NINL: variants seen among roughly 807,000 people sequenced by gnomAD.
NINL encodes ninein-like protein.
A neutral mutation model predicts 160.3 loss-of-function variants in NINL; 153 were observed. The ratio of observed to expected loss-of-function variants is 0.95; its 90% CI spans 0.84 to 1.09. The LOEUF (loss-of-function observed/expected upper bound fraction) is 1.09. Ranked by LOEUF, NINL falls within the 50% of genes least tolerant of loss-of-function variation. The pLI is 0.00. For missense variants in NINL, 1,829 were observed against 1,764.0 expected (o/e 1.04, Z -0.66); for synonymous variants, 800 against 734.8 (o/e 1.09, Z -1.43).
intron 13 of NINL, among the ~76,000 whole-genome samples, chr20:25,487,142 A>G (rs2063519234): frequency 6.6e-6 from 1 of 152,236 alleles, no homozygotes; most frequent in Non-Finnish European, 1.5e-5. Context: ...GGGTAAAATT[A>G]AGTCAGTTTC....
chr20:25,573,306 A>AG, intron 1 of NINL, among the ~76,000 whole-genome samples: 1 of 152,266 alleles, frequency 6.6e-6, no homozygotes, highest in South Asian at 2.1e-4. Context: ...TCAAAAAAAA[A>AG]AAAAAATTAA....
At chr20:25,468,885 G>T in intron 18 of NINL, among the ~76,000 whole-genome samples, 1 of 139,556 alleles carries the variant, frequency 7.2e-6, no homozygotes, top group African/African-American at 2.9e-5. Context: ...ACTGGTGGGT[G>T]CCCCACTGTC....
rs555836329 is a variant in NINL, at chr20:25,498,283, C to G, written c.1096G>C (p.Glu366Gln). ...ACGGCACTGTCCACTGTCATGAGCT[C>G]GTTGTCAAGGGCCCAGGTCAGCTCC... ...LLELTWALDN[E>Q]LMTVDSAVQQ... The change falls in exon 9 of 24, where the codon GAG (glutamate) becomes CAG (glutamine). Residue 366 changes from glutamate (E) to glutamine (Q), a missense_variant. Physicochemically the swap from Glu to Gln is conservative, Grantham distance 29. Transcript: ENST00000278886. 35 of 1,613,436 alleles carry G rather than the reference C, an allele frequency of 2.2e-5. No individual in the cohort carries two copies. The highest frequency in any genetic ancestry group is 2.9e-5 in the Non-Finnish European group (34 of 1,180,028).
chr20:25,508,675 C>T (rs376871195), intron 5 of NINL, among the ~76,000 whole-genome samples: 7 of 152,322 alleles, frequency 4.6e-5, no homozygotes, highest in African/African-American at 1.2e-4. Flanking sequence ...AGCTGGGGGG[C>T]GCTGGCAGCC....
chr20:25,491,742 C>G (rs1232977085), intron 10 of NINL, among the ~76,000 whole-genome samples: 1 of 152,230 alleles, frequency 6.6e-6, no homozygotes, highest in African/African-American at 2.4e-5. Flanking sequence ...ACAAGGGGAT[C>G]TGGTGGGTCA....
intron 17 of NINL, among the ~76,000 whole-genome samples, chr20:25,474,058 G>T (rs189376881): frequency 8.5e-5 from 13 of 152,198 alleles, no homozygotes; most frequent in African/African-American, 3.1e-4. Flanking sequence ...AAGGCTGCTC[G>T]TTCTCTGACT....
At chr20:25,490,304 T>C (rs1440120552) in intron 11 of NINL, among the ~76,000 whole-genome samples, 2 of 152,204 alleles carry the variant, frequency 1.3e-5, no homozygotes, top group East Asian at 3.9e-4. Context: ...CTCACGCCTG[T>C]AATCCCAGCA....
intron 1 of NINL, among the ~76,000 whole-genome samples, chr20:25,583,962 T>C (rs938136810): frequency 1.3e-5 from 2 of 151,356 alleles, no homozygotes; most frequent in African/African-American, 4.9e-5. Context: ...ATCACACACC[T>C]CACACATCGG....
intron 1 of NINL, among the ~76,000 whole-genome samples, chr20:25,531,625 G>A (rs1384481094): frequency 6.6e-6 from 1 of 152,186 alleles, no homozygotes; most frequent in African/African-American, 2.4e-5. Flanking sequence ...CGCAACAGGG[G>A]AGAAGACAAA....
At chr20:25,477,334 T>C (rs573580272) in intron 16 of NINL, among the ~76,000 whole-genome samples, 1 of 152,274 alleles carries the variant, frequency 6.6e-6, no homozygotes, top group South Asian at 2.1e-4. Flanking sequence ...ACCCTTTCCA[T>C]GTGGAGTGTT....
At chr20:25,490,039 G>A in intron 11 of NINL, 54 bp from the exon 12 acceptor site, 4 of 1,474,486 alleles carry the variant, frequency 2.7e-6, no homozygotes, top group Non-Finnish European at 3.8e-6. Flanking sequence ...GAGGGGATGT[G>A]TGCAGGATGG....
intron 22 of NINL, among the ~76,000 whole-genome samples, chr20:25,457,534 C>T (rs1488257904): frequency 6.6e-6 from 1 of 152,204 alleles, no homozygotes; most frequent in African/African-American, 2.4e-5. Context: ...AATAATGTAG[C>T]ATCACTTAAC....
At chr20:25,469,887 T>G (rs2063049733) in intron 18 of NINL, 104 bp downstream of exon 18, 9 of 768,464 alleles carry the variant, frequency 1.2e-5, no homozygotes, top group Non-Finnish European at 2.0e-5. Context: ...AATGCAGGGC[T>G]AATCTGAGAA....
At chr20:25,496,131 G>C (rs1037176685) in intron 10 of NINL, among the ~76,000 whole-genome samples, 2 of 152,166 alleles carry the variant, frequency 1.3e-5, no homozygotes, top group African/African-American at 2.4e-5. Context: ...GGGATACAGA[G>C]GGAGACTCCA....
intron 20 of NINL, 30 bp downstream of exon 20, chr20:25,462,353 G>GAGGAGCC (rs3036810): frequency 1.3e-6 from 2 of 1,593,608 alleles, no homozygotes; most frequent in African/African-American, 2.7e-5. Context: ...CCAGCCTCCA[G>GAGGAGCC]CTCAGCTCCC....
At chr20:25,479,350 G>T in intron 15 of NINL, 144 bp from the exon 16 acceptor site, 1 of 1,050,194 alleles carries the variant, frequency 9.5e-7, no homozygotes. Context: ...TGTGCAGAAG[G>T]GGACAGTGAC....
chr20:25,500,932 T>G lies in NINL; in HGVS notation c.940A>C (p.Ser314Arg). ...GCGAAGCCAGAACCATCGTCAATGCTGGAGAAGAGGCGCAGGCTGGAGCAC... is the reference window on the plus strand; with the variant it reads ...GCGAAGCCAGAACCATCGTCAATGCGGGAGAAGAGGCGCAGGCTGGAGCAC... ...SLCSSLRLFS[S>R]IDDGSGFAFP... is the part of the protein sequence containing the mutation. Residue 314 changes from serine to arginine, a missense_variant, in exon 8 of 24, where the codon AGC becomes CGC. Coordinates refer to ENST00000278886, the MANE Select transcript of NINL (RefSeq NM_025176.6). 6.2e-7 allele frequency: 1 copy of G among 1,614,210 alleles called. No homozygotes were observed. Among genetic ancestry groups the G allele is most frequent in the Non-Finnish European group, 8.5e-7 (1 of 1,180,038 alleles).
intron 1 of NINL, among the ~76,000 whole-genome samples, chr20:25,551,572 T>C (rs1600328670): frequency 6.6e-6 from 1 of 152,144 alleles, no homozygotes; most frequent in African/African-American, 2.4e-5. Flanking sequence ...CTGTGACCTC[T>C]GCTTTTCCAA....
chr20:25,540,670 T>C (rs2064648569), intron 1 of NINL, among the ~76,000 whole-genome samples: 1 of 152,146 alleles, frequency 6.6e-6, no homozygotes, highest in Admixed American at 6.5e-5. Context: ...TTGAGGGTGT[T>C]CCTTTTTAAT....
Sources: allele counts gnomAD v4.1 joint callset (sites outside exome capture counted in the v4.1 genomes callset), GRCh38; gene constraint gnomAD v4.1.1; transcripts MANE v1.5; gene names NCBI Gene and HGNC (gene_info 2026-07-23, HGNC 2026-07-21).